NXN: variants seen among roughly 807,000 people sequenced by gnomAD.
The protein encoded by NXN is nucleoredoxin 1.
A neutral mutation model predicts 48.6 loss-of-function variants in NXN; 16 were observed. The observed-to-expected ratio is 0.33, with a 90% CI of 0.22 to 0.50. The LOEUF is 0.50. Among genes scored for constraint, NXN ranks in the 20% least tolerant of loss-of-function variants. The probability of loss-of-function intolerance (pLI) is 0.98; values close to 1 mark genes in which losing one functional copy is unlikely to be tolerated. For synonymous variants in NXN, 281 were observed against 269.6 expected (o/e 1.04, Z -0.41); for missense variants, 492 against 605.5 (o/e 0.81, Z 1.97).
chr17:857,650 A>C (rs1296759701), intron 1 of NXN, among the ~76,000 whole-genome samples: 2 of 152,198 alleles, frequency 1.3e-5, no homozygotes, highest in African/African-American at 4.8e-5. Context: ...AGAATATTCT[A>C]AAAAGCTGAG....
At chr17:904,778 AG>A (rs1386739848) in intron 1 of NXN, among the ~76,000 whole-genome samples, 1 of 152,174 alleles carries the variant, frequency 6.6e-6, no homozygotes, top group Non-Finnish European at 1.5e-5. Flanking sequence ...TCCTGACCTC[AG>A]GTGATCTGCC....
rs1567827465 is a variant in NXN, at chr17:841,433, G to GTCCTCCCGACCATGGAGCATCTCACACCC, written c.361-15356_361-15355insGGGTGTGAGATGCTCCATGGTCGGGAGGA. On this transcript the variant is annotated intron_variant, in intron 1 of 7. Transcript: ENST00000336868. ...CCCTGACCACGGCGCATCTCACACG[G>GTCCTCCCGACCATGGAGCATCTCACACCC]GCGAGCAGGTCCCCCTGACCACGGC... 3.9e-5 allele frequency among the ~76,000 whole-genome samples: 2 copies of GTCCTCCCGACCATGGAGCATCTCACACCC among 51,214 alleles called. 1 individual carries two copies. Among genetic ancestry groups the GTCCTCCCGACCATGGAGCATCTCACACCC allele is most frequent in the African/African-American group, 1.6e-4 (2 of 12,546 alleles). The allele number at this position is 51,214 out of a possible 152,430, so 33.6% of individuals were successfully genotyped here.
intron 1 of NXN, among the ~76,000 whole-genome samples, chr17:912,774 G>A (rs1440520813): frequency 1.3e-5 from 2 of 152,054 alleles, no homozygotes; most frequent in African/African-American, 4.8e-5. Context: ...CCAACATGGT[G>A]AAACCCCGTC....
At chr17:815,415 G>A (rs1481359522) in intron 5 of NXN, among the ~76,000 whole-genome samples, 7 of 151,200 alleles carry the variant, frequency 4.6e-5, no homozygotes, top group African/African-American at 1.7e-4. Flanking sequence ...GTACGATGAG[G>A]GCGAGTGTCC....
At chr17:938,802 G>A (rs1359535753) in intron 1 of NXN, among the ~76,000 whole-genome samples, 1 of 152,194 alleles carries the variant, frequency 6.6e-6, no homozygotes, top group Non-Finnish European at 1.5e-5. Flanking sequence ...GCTCATGCCT[G>A]TAATCCCAGC....
At chr17:859,198 C>A (rs990398711) in intron 1 of NXN, among the ~76,000 whole-genome samples, 11 of 152,192 alleles carry the variant, frequency 7.2e-5, no homozygotes, top group Admixed American at 2.0e-4. Flanking sequence ...CCTTCTCAGT[C>A]TGAGCCCACA....
At chr17:960,130 A>C (rs886321451) in intron 1 of NXN, among the ~76,000 whole-genome samples, 1 of 152,164 alleles carries the variant, frequency 6.6e-6, no homozygotes, top group Admixed American at 6.6e-5. Flanking sequence ...TACATTTGGA[A>C]CATGTGGGAA....
intron 1 of NXN, among the ~76,000 whole-genome samples, chr17:946,571 C>G (rs1329031616): frequency 6.6e-6 from 1 of 152,218 alleles, no homozygotes; most frequent in Non-Finnish European, 1.5e-5. Flanking sequence ...CTTGAGTTAT[C>G]ATGCCCACTA....
intron 1 of NXN, among the ~76,000 whole-genome samples, chr17:973,329 A>G (rs754876747): frequency 2.6e-5 from 4 of 152,180 alleles, no homozygotes; most frequent in Non-Finnish European, 5.9e-5. Context: ...CCCACGCGAA[A>G]CAGCAGTCTT....
In NXN at chr17:823,006, C is replaced by T. The variant is rs139547611; in HGVS notation, c.613-549G>A. Among the ~76,000 whole-genome samples the T allele has an allele frequency of 7.3e-4, 110 of 151,490 alleles. No individual in the cohort carries two copies. In the East Asian group the frequency reaches 0.017, roughly 23 times the overall value. On this transcript the variant is annotated intron_variant, in intron 3 of 7. Transcript: ENST00000336868. ...CCCCAGCTACTTCAAAAGCTGAGGCCGAAGAATCACTTGAACCCGGGAGAC... is the reference window on the plus strand; with the variant it reads ...CCCCAGCTACTTCAAAAGCTGAGGCTGAAGAATCACTTGAACCCGGGAGAC...
chr17:811,802 G>A (rs995507423), intron 5 of NXN, among the ~76,000 whole-genome samples: 2 of 149,422 alleles, frequency 1.3e-5, no homozygotes, highest in African/African-American at 2.5e-5. Context: ...CACCCGTACC[G>A]CCCCCCAGAC....
At chr17:827,077 C>T (rs937257103) in intron 1 of NXN, among the ~76,000 whole-genome samples, 2 of 152,220 alleles carry the variant, frequency 1.3e-5, no homozygotes, top group African/African-American at 4.8e-5. Flanking sequence ...AATGTCGGGG[C>T]CGGGCACGGT....
chr17:899,237 C>T (rs886348689), intron 1 of NXN, among the ~76,000 whole-genome samples: 2 of 152,134 alleles, frequency 1.3e-5, no homozygotes, highest in Non-Finnish European at 2.9e-5. Context: ...GGATTACAGG[C>T]GTGAGCCACC....
chr17:958,322 G>A lies in NXN; in HGVS notation c.360+20997C>T, dbSNP rs995224242. Among the ~76,000 whole-genome samples the A allele has an allele frequency of 6.6e-6, 1 of 152,142 alleles. No individual in the cohort carries two copies. Among genetic ancestry groups the A allele is most frequent in the African/African-American group, 2.4e-5 (1 of 41,416 alleles). ...TCCGAAAATGCTAACGTGCTGACTG[G>A]GGCTAACCCTACGCTAAAGCAAAGC... On this transcript the variant is annotated intron_variant, in intron 1 of 7. Transcript: ENST00000336868. This position sits in a 1 kb window ranked among gnomAD's most constrained non-coding sequence, Gnocchi z 6.9.
rs898901276 is a variant in NXN, at chr17:903,205, GTTTT to G, written c.360+76110_360+76113del. On this transcript the variant is annotated intron_variant, in intron 1 of 7. Transcript: ENST00000336868. ...CTTCAATTCTGCTACAAGTTTTTTT[GTTTT>G]TTTGTTTTTGTTTTGAGACAGAGTC... is the stretch of plus-strand genomic sequence containing the variant. Among the ~76,000 whole-genome samples, 4 of 151,644 alleles carry G rather than the reference GTTTT, an allele frequency of 2.6e-5. No homozygotes were observed. The East Asian group carries it at 5.8e-4, about 22-fold the overall frequency.
intron 1 of NXN, among the ~76,000 whole-genome samples, chr17:895,687 G>A (rs538031424): frequency 2.3e-3 from 353 of 151,106 alleles, no homozygotes; most frequent in African/African-American, 6.7e-3. Flanking sequence ...GCGTGGTGGT[G>A]GGCACCTGTA....
At position 906,020 on chromosome 17, in the gene NXN, A is replaced by G. The variant is rs577219240; in HGVS notation, c.360+73299T>C. ...AAGGTAAAAAGGTACAGGTGAAGTT[A>G]ATCTTAATATATTTTAACCCAATAC... On this transcript the variant is annotated intron_variant, in intron 1 of 7. Coordinates refer to ENST00000336868, the MANE Select transcript of NXN (RefSeq NM_022463.5). Among the ~76,000 whole-genome samples, 56 of 152,126 alleles carry G rather than the reference A, an allele frequency of 3.7e-4. 1 individual carries two copies. The highest frequency in any genetic ancestry group is 1.1e-3 in the African/African-American group (46 of 41,520).
At position 830,682 on chromosome 17, in the gene NXN, T is replaced by C. The variant is rs946399556; in HGVS notation, c.361-4604A>G. Among the ~76,000 whole-genome samples, 7 of 152,224 alleles carry C rather than the reference T, an allele frequency of 4.6e-5. No homozygotes were observed. The highest frequency in any genetic ancestry group is 2.1e-4 in the South Asian group (1 of 4,818). ...AGCAAAAATAACAGGTCACAGGGAA[T>C]GACGTGACCTGATTCACAGTTTAAA... is the stretch of plus-strand genomic sequence containing the variant. On this transcript the variant is annotated intron_variant, in intron 1 of 7. Coordinates refer to ENST00000336868, the MANE Select transcript of NXN (RefSeq NM_022463.5). The surrounding 1 kb of genome is among the most constrained non-coding windows in gnomAD (Gnocchi z 4.2).
At chr17:926,553 G>GTTTTTTTTTTGTTTTTTTGT (rs1567504230) in intron 1 of NXN, among the ~76,000 whole-genome samples, 5 of 130,810 alleles carry the variant, frequency 3.8e-5, no homozygotes, top group African/African-American at 1.4e-4. Context: ...TTGTTTTTTT[G>GTTTTTTTTTTGTTTTTTTGT]TTTTTTTTTT....
Sources: allele counts gnomAD v4.1 joint callset (sites outside exome capture counted in the v4.1 genomes callset), GRCh38; gene constraint gnomAD v4.1.1; non-coding constraint Gnocchi (gnomAD v3.1); transcripts MANE v1.5; gene names NCBI Gene and HGNC (gene_info 2026-07-23, HGNC 2026-07-21).